SLIT3: variants seen among roughly 807,000 people sequenced by gnomAD.
SLIT3 encodes slit homolog 3 protein.
Under a neutral mutation model 184.0 loss-of-function variants are expected in SLIT3, and 68 were observed. The ratio of observed to expected loss-of-function variants is 0.37; its 90% CI spans 0.30 to 0.45. The LOEUF is 0.45. Among genes scored for constraint, SLIT3 ranks in the 20% least tolerant of loss-of-function variants. The pLI, the probability that SLIT3 is intolerant of heterozygous loss-of-function variation, is 1.00. For synonymous variants in SLIT3, 831 were observed against 828.6 expected (o/e 1.00, Z -0.05); for missense variants, 1,707 against 2,026.0 (o/e 0.84, Z 3.02).
chr5:169,278,944 G>A (rs1766904349), intron 1 of SLIT3, among the ~76,000 whole-genome samples: 1 of 152,140 alleles, frequency 6.6e-6, no homozygotes, highest in African/African-American at 2.4e-5. Flanking sequence ...TTGATGGACA[G>A]GCCAAGAATT....
intron 4 of SLIT3, among the ~76,000 whole-genome samples, chr5:169,103,000 G>A (rs1232525998): frequency 1.3e-5 from 2 of 152,102 alleles, no homozygotes; most frequent in African/African-American, 2.4e-5. Flanking sequence ...ACTTGACTAT[G>A]ATAATAAAAG....
chr5:168,988,772 G>A (rs945997889), intron 4 of SLIT3, among the ~76,000 whole-genome samples: 3 of 151,016 alleles, frequency 2.0e-5, no homozygotes, highest in East Asian at 1.9e-4. Context: ...TCAACTAGGA[G>A]ACCCCCCCCC....
chr5:168,893,194 C>A (rs1484277181), intron 4 of SLIT3, among the ~76,000 whole-genome samples: 1 of 152,172 alleles, frequency 6.6e-6, no homozygotes, highest in Admixed American at 6.5e-5. Context: ...AATTTATCAA[C>A]CTTGGTTGGG....
chr5:168,982,598 A>G (rs971591316), intron 4 of SLIT3, among the ~76,000 whole-genome samples: 3 of 152,228 alleles, frequency 2.0e-5, no homozygotes, highest in Non-Finnish European at 2.9e-5. Context: ...TTACAAATGT[A>G]TTAGTCTATA....
At chr5:168,676,775 T>A (rs1761424172) in intron 32 of SLIT3, among the ~76,000 whole-genome samples, 1 of 152,210 alleles carries the variant, frequency 6.6e-6, no homozygotes, top group Admixed American at 6.5e-5. Context: ...AGACTGCAGC[T>A]CAGGCACTCG....
intron 4 of SLIT3, among the ~76,000 whole-genome samples, chr5:168,886,650 A>G (rs1393871088): frequency 6.6e-6 from 1 of 152,120 alleles, no homozygotes; most frequent in Admixed American, 6.5e-5. Context: ...ACACTAGAAG[A>G]AAGGCATGAG....
chr5:169,194,379 T>G (rs762224652), intron 3 of SLIT3, among the ~76,000 whole-genome samples: 6 of 152,132 alleles, frequency 3.9e-5, no homozygotes, highest in South Asian at 2.1e-4. Context: ...GCAGATCACC[T>G]TGGACTGAGG....
intron 28 of SLIT3, among the ~76,000 whole-genome samples, chr5:168,695,948 G>C (rs532312446): frequency 6.6e-6 from 1 of 152,334 alleles, no homozygotes; most frequent in Non-Finnish European, 1.5e-5. Flanking sequence ...GACTAGACCT[G>C]AAGGAAGCAT....
chr5:168,797,556 T>C (rs1483773357), intron 9 of SLIT3, among the ~76,000 whole-genome samples: 2 of 152,190 alleles, frequency 1.3e-5, no homozygotes. Flanking sequence ...ATCTTAATGA[T>C]GGGTGCAAGA....
At chr5:168,745,498 G>T (rs1010549429) in intron 20 of SLIT3, among the ~76,000 whole-genome samples, 3 of 151,246 alleles carry the variant, frequency 2.0e-5, no homozygotes, top group African/African-American at 7.3e-5. Context: ...TGCAACTTCT[G>T]CCTCCCAGGT....
At chr5:168,815,916 G>C (rs1202599887) in intron 8 of SLIT3, among the ~76,000 whole-genome samples, 1 of 152,116 alleles carries the variant, frequency 6.6e-6, no homozygotes, top group Non-Finnish European at 1.5e-5. Context: ...AGCTCCCTGG[G>C]GTCCTTGTTT....
intron 4 of SLIT3, among the ~76,000 whole-genome samples, chr5:168,912,642 T>C (rs761344352): frequency 2.6e-5 from 4 of 152,200 alleles, no homozygotes; most frequent in Non-Finnish European, 4.4e-5. Context: ...TGGGTGTATA[T>C]TACAAACATA....
intron 20 of SLIT3, among the ~76,000 whole-genome samples, chr5:168,725,816 A>G (rs544151135): frequency 6.6e-4 from 101 of 152,354 alleles, no homozygotes; most frequent in African/African-American, 2.3e-3. Context: ...CTACCACAAA[A>G]TGACTAAATG....
At chr5:168,952,377 C>T (rs929562501) in intron 4 of SLIT3, among the ~76,000 whole-genome samples, 7 of 152,204 alleles carry the variant, frequency 4.6e-5, no homozygotes, top group Admixed American at 6.5e-5. Flanking sequence ...GCTCAGCTCA[C>T]GTTTACATTT....
intron 4 of SLIT3, among the ~76,000 whole-genome samples, chr5:168,989,761 G>T (rs1217560536): frequency 6.6e-6 from 1 of 152,146 alleles, no homozygotes. Flanking sequence ...TAGAAAATCA[G>T]CTCAGAGATC....
At chr5:168,982,208 T>A (rs978798799) in intron 4 of SLIT3, among the ~76,000 whole-genome samples, 2 of 152,248 alleles carry the variant, frequency 1.3e-5, no homozygotes, top group African/African-American at 4.8e-5. Context: ...CCACAACTCA[T>A]GTTGAAATTC....
intron 2 of SLIT3, among the ~76,000 whole-genome samples, chr5:169,245,930 C>G (rs1322892256): frequency 6.6e-6 from 1 of 152,186 alleles, no homozygotes; most frequent in African/African-American, 2.4e-5. Context: ...ACTCCCAGTC[C>G]TAACACAGTT....
intron 4 of SLIT3, among the ~76,000 whole-genome samples, chr5:169,081,044 G>A (rs998481223): frequency 1.3e-5 from 2 of 152,188 alleles, no homozygotes; most frequent in Non-Finnish European, 2.9e-5. Context: ...CTTCCCCAGG[G>A]CTCCCCGCTC....
chr5:168,946,140 A>G (rs1762475671), intron 4 of SLIT3, among the ~76,000 whole-genome samples: 1 of 152,170 alleles, frequency 6.6e-6, no homozygotes, highest in Non-Finnish European at 1.5e-5. Context: ...CTGGTTTTCA[A>G]TGAGGCTGGG....
Sources: gnomAD v4.1 joint callset for allele counts (sites outside exome capture counted in the v4.1 genomes callset) on GRCh38, gnomAD v4.1.1 for gene constraint, MANE v1.5 for transcripts, NCBI Gene and HGNC (gene_info 2026-07-23, HGNC 2026-07-21) for gene names.